Variants in TENM3 observed in about 807,000 individuals in gnomAD.
TENM3 encodes the protein teneurin transmembrane protein 3.
A neutral mutation model predicts 255.1 loss-of-function variants in TENM3; 63 were observed. The ratio of observed to expected loss-of-function variants is 0.25; its 90% confidence interval spans 0.20 to 0.30. The LOEUF (loss-of-function observed/expected upper bound fraction) is 0.30. Ranked by LOEUF, TENM3 falls within the 10% of genes least tolerant of loss-of-function variation. The pLI is 1.00. For missense variants in TENM3, 2,929 were observed against 3,461.1 expected (o/e 0.85, Z 3.86); for synonymous variants, 1,306 against 1,322.3 (o/e 0.99, Z 0.27).
At chr4:181,782,702 A>G in the TENM3 span, among the ~76,000 whole-genome samples, 176 of 152,060 alleles carry the variant, frequency 1.2e-3, 1 homozygote, top group Non-Finnish European at 5.9e-4. Context: ...AGTTCTTTTA[A>G]TTGTGACTTT....
the TENM3 span, among the ~76,000 whole-genome samples, chr4:181,888,575 T>TATA: frequency 2.9e-5 from 2 of 68,006 alleles, no homozygotes; most frequent in Non-Finnish European, 5.6e-5. Flanking sequence ...TATGTATATA[T>TATA]ATACATATAT....
rs1026148658 is a variant in TENM3 at position 182,800,786 on chromosome 4, C to T, written c.*435C>T. The T allele has an allele frequency of 6.5e-6, 1 of 154,434 alleles. No individual in the cohort carries two copies. 9.6% of individuals were successfully genotyped at this position (154,434 alleles called of 1,614,324 possible). ...ATAGGATGTGATAGCTATCTCTGTT[C>T]ATTTTACAATGTGGGGCAAAGTTAC... On this transcript the variant is annotated 3_prime_UTR_variant, in exon 28 of 28. Coordinates refer to ENST00000511685, the MANE Select transcript of TENM3 (RefSeq NM_001080477.4).
intron 4 of TENM3, among the ~76,000 whole-genome samples, chr4:182,605,119 C>A (rs1359363928): frequency 6.6e-6 from 1 of 152,196 alleles, no homozygotes; most frequent in Non-Finnish European, 1.5e-5. Flanking sequence ...TATGGGGTAG[C>A]TTTCCTGCCC....
the TENM3 span, among the ~76,000 whole-genome samples, chr4:181,822,091 C>G: frequency 6.6e-6 from 1 of 152,104 alleles, no homozygotes; most frequent in Non-Finnish European, 1.5e-5. Context: ...TTTGAAACCA[C>G]AAATGTCACT....
At chr4:181,795,790 A>G in the TENM3 span, among the ~76,000 whole-genome samples, 1 of 152,316 alleles carries the variant, frequency 6.6e-6, no homozygotes, top group South Asian at 2.1e-4. Context: ...CAAAGAGGAT[A>G]TTATATGCCA....
chr4:182,517,048 G>A (rs962308308), intron 3 of TENM3, among the ~76,000 whole-genome samples: 3 of 151,976 alleles, frequency 2.0e-5, no homozygotes, highest in African/African-American at 7.3e-5. Flanking sequence ...ATTCCTATTG[G>A]ATTATAAAAT....
chr4:182,547,141 A>G (rs570667595), intron 3 of TENM3, among the ~76,000 whole-genome samples: 1 of 152,282 alleles, frequency 6.6e-6, no homozygotes, highest in Middle Eastern at 3.4e-3. Flanking sequence ...ACAGAGAATT[A>G]CGGTAAAACA....
chr4:182,766,298 C>A (rs1346381117), intron 22 of TENM3, among the ~76,000 whole-genome samples: 1 of 152,092 alleles, frequency 6.6e-6, no homozygotes, highest in Non-Finnish European at 1.5e-5. Flanking sequence ...TAGGAGGTCT[C>A]CATTTCAAGA....
At chr4:182,473,377 T>C (rs1341099192) in intron 3 of TENM3, among the ~76,000 whole-genome samples, 1 of 152,190 alleles carries the variant, frequency 6.6e-6, no homozygotes, top group Non-Finnish European at 1.5e-5. Flanking sequence ...TAAAAAATTA[T>C]TGTTTATAAA....
chr4:182,469,657 T>G lies in TENM3; in HGVS notation c.511+122728T>G, dbSNP rs190359713. On this transcript the variant is annotated intron_variant, in intron 3 of 27. Coordinates refer to ENST00000511685, the MANE Select transcript of TENM3 (RefSeq NM_001080477.4). Reference sequence around the variant, plus strand: ...TGAACCTGGGAGGCGGAGGTTGCAGTGAGCAGAGATCATGCCACTGCACTC... The same window carrying G: ...TGAACCTGGGAGGCGGAGGTTGCAGGGAGCAGAGATCATGCCACTGCACTC... Among the ~76,000 whole-genome samples, 490 of 148,822 alleles carry G rather than the reference T, an allele frequency of 3.3e-3. 8 individuals carry two copies. The highest frequency in any genetic ancestry group is 0.012 in the African/African-American group (463 of 40,110).
intron 1 of TENM3, among the ~76,000 whole-genome samples, chr4:182,208,746 G>T (rs1474628855): frequency 6.6e-6 from 1 of 152,148 alleles, no homozygotes; most frequent in Admixed American, 6.5e-5. Context: ...GTTCTTGGGA[G>T]CAGCTGATTT....
chr4:181,909,386 G>T, the TENM3 span, among the ~76,000 whole-genome samples: 2 of 152,170 alleles, frequency 1.3e-5, no homozygotes, highest in Non-Finnish European at 2.9e-5. Context: ...CAGAATGTTT[G>T]TTGCCACAGA....
In TENM3 at chr4:182,743,233, G is replaced by T. The variant is rs756322235; in HGVS notation, c.3443G>T (p.Ser1148Ile). ...TCCCAGCAGCCTCCAGTCGTGAGTA[G>T]CATCATGGGCAATGGGCGAAGGCGC... The part of the protein sequence containing the change: ...FISQQPPVVS[S>I]IMGNGRRRSI... The change falls in exon 19 of 28, where the codon AGC becomes ATC. Residue 1148 changes from serine to isoleucine, a missense_variant. By Grantham distance (142) the Ser-to-Ile change is moderately radical (BLOSUM62 -2). Coordinates refer to ENST00000511685, the MANE Select transcript of TENM3 (RefSeq NM_001080477.4). 1.2e-6 allele frequency: 2 copies of T among 1,614,026 alleles called. No homozygotes were observed. The highest frequency in any genetic ancestry group is 1.1e-5 in the South Asian group (1 of 91,084).
chr4:181,490,507 A>G, the TENM3 span, among the ~76,000 whole-genome samples: 1 of 152,200 alleles, frequency 6.6e-6, no homozygotes. Flanking sequence ...TTAATACAAT[A>G]AAGCATGGCA....
chr4:182,100,622 C>CACACATATAT, the TENM3 span, among the ~76,000 whole-genome samples: 4 of 51,872 alleles, frequency 7.7e-5, no homozygotes, highest in Non-Finnish European at 1.5e-4. Context: ...CATATATATA[C>CACACATATAT]ACACACATAT....
At chr4:182,645,766 A>G (rs1752691401) in intron 5 of TENM3, among the ~76,000 whole-genome samples, 1 of 151,590 alleles carries the variant, frequency 6.6e-6, no homozygotes, top group South Asian at 2.1e-4. Context: ...AAAGCAGTCC[A>G]AAAGAGAGAG....
At chr4:182,769,870 C>A (rs371855973) in intron 22 of TENM3, among the ~76,000 whole-genome samples, 1 of 151,914 alleles carries the variant, frequency 6.6e-6, no homozygotes, top group African/African-American at 2.4e-5. Flanking sequence ...TTTAGGAGGC[C>A]GAGGCAGGTG....
At chr4:181,910,418 G>C in the TENM3 span, among the ~76,000 whole-genome samples, 5,520 of 151,618 alleles carry the variant, frequency 0.036, 95 homozygotes, top group Non-Finnish European at 0.041. Flanking sequence ...TACACCTGTA[G>C]TCCCAGCTAC....
At chr4:182,658,628 T>C (rs1375132079) in intron 6 of TENM3, among the ~76,000 whole-genome samples, 2 of 152,240 alleles carry the variant, frequency 1.3e-5, no homozygotes, top group African/African-American at 2.4e-5. Context: ...GGTTATCTAT[T>C]ACTACATAAC....
Sources: gnomAD v4.1 joint callset for allele counts (sites outside exome capture counted in the v4.1 genomes callset) on GRCh38, gnomAD v4.1.1 for gene constraint, MANE v1.5 for transcripts, NCBI Gene and HGNC (gene_info 2026-07-23, HGNC 2026-07-21) for gene names.